Variants in SNX25 observed in about 807,000 individuals in gnomAD.
SNX25 encodes the protein sorting nexin 25.
Under a neutral mutation model 113.7 loss-of-function variants are expected in SNX25, and 62 were observed. That is an observed-to-expected ratio of 0.55 (90% CI 0.44 to 0.67). The LOEUF (loss-of-function observed/expected upper bound fraction) is 0.67. Ranked by LOEUF, SNX25 falls within the 30% of genes least tolerant of loss-of-function variation. The pLI is 0.00. For missense variants in SNX25, 1,014 were observed against 1,161.0 expected (o/e 0.87, Z 1.84); for synonymous variants, 421 against 436.2 (o/e 0.97, Z 0.43).
Position 185,255,070 on chromosome 4 carries a change from T to C in SNX25, c.515-3778T>C, listed in dbSNP as rs143896121. Among the ~76,000 whole-genome samples, 991 of 152,308 alleles carry C rather than the reference T, an allele frequency of 6.5e-3. 15 individuals carry two copies. Among genetic ancestry groups the C allele is most frequent in the African/African-American group, 0.022 (929 of 41,576 alleles). On this transcript the variant is annotated intron_variant, in intron 2 of 18. Transcript: ENST00000652585. ...TGTTTTAAAGTATTTTGTTGATATG[T>C]GTACTTGTGTAAATTAGTTTATATG...
chr4:185,359,005 A>G (rs953438612), intron 16 of SNX25, among the ~76,000 whole-genome samples: 1 of 152,204 alleles, frequency 6.6e-6, no homozygotes, highest in African/African-American at 2.4e-5. Context: ...GCCAATGAAT[A>G]TATTTTCCTT....
intron 1 of SNX25, among the ~76,000 whole-genome samples, chr4:185,238,983 T>C (rs1743082477): frequency 6.6e-6 from 1 of 152,142 alleles, no homozygotes. Context: ...TTGCTTCTGG[T>C]GTGAGTACTC....
intron 6 of SNX25, among the ~76,000 whole-genome samples, chr4:185,300,873 A>ACACACACACACC (rs1356208171): frequency 3.6e-4 from 54 of 151,310 alleles, no homozygotes; most frequent in Non-Finnish European, 6.2e-4. Context: ...ACACACACAC[A>ACACACACACACC]CAGGTTTTCT....
At chr4:185,284,960 T>C (rs1751139933) in intron 5 of SNX25, among the ~76,000 whole-genome samples, 1 of 152,130 alleles carries the variant, frequency 6.6e-6, no homozygotes, top group Non-Finnish European at 1.5e-5. Context: ...ATGATGGTAC[T>C]AGTAGAGAAA....
At chr4:185,357,790 C>T in intron 16 of SNX25, 53 bp downstream of exon 16, 1 of 1,403,232 alleles carries the variant, frequency 7.1e-7, no homozygotes, top group Non-Finnish European at 1.0e-6. Flanking sequence ...TTTGCCTTGA[C>T]AGTCAAATTA....
Position 185,334,239 on chromosome 4 carries a change from G to A in SNX25, c.1914+1480G>A, listed in dbSNP as rs1165432168. The stretch of plus-strand genomic sequence containing the variant: ...GGTAATCCCAGCTACTCAGGAGGGT[G>A]AGGCAGGAGAATCTCTTGAACCCGG... On this transcript the variant is annotated intron_variant, in intron 10 of 18. Transcript: ENST00000652585. This position sits in a 1 kb window ranked among gnomAD's most constrained non-coding sequence, Gnocchi z 4.2. 6.6e-6 allele frequency among the ~76,000 whole-genome samples: 1 copy of A among 152,142 alleles called. No individual in the cohort carries two copies. The highest frequency in any genetic ancestry group is 2.4e-5 in the African/African-American group (1 of 41,432).
chr4:185,296,579 G>A (rs994155809), intron 6 of SNX25, among the ~76,000 whole-genome samples: 3 of 151,914 alleles, frequency 2.0e-5, no homozygotes, highest in Non-Finnish European at 2.9e-5. Flanking sequence ...GCCTCAGCTA[G>A]TTTAATTTTA....
intron 6 of SNX25, among the ~76,000 whole-genome samples, chr4:185,302,020 C>G (rs555944446): frequency 6.6e-6 from 1 of 152,130 alleles, no homozygotes; most frequent in African/African-American, 2.4e-5. Flanking sequence ...CTGCCTCAGC[C>G]TCCTGAGTAG....
intron 9 of SNX25, among the ~76,000 whole-genome samples, chr4:185,329,084 T>A (rs1283537095): frequency 6.6e-6 from 1 of 152,004 alleles, no homozygotes; most frequent in East Asian, 1.9e-4. Context: ...AAGCTTGACA[T>A]AGGGAGGGTT....
Position 185,267,154 on chromosome 4 carries a change from A to G in SNX25, c.1090A>G (p.Arg364Gly). 2 of 1,612,898 alleles carry G rather than the reference A, an allele frequency of 1.2e-6. No individual in the cohort carries two copies. Among genetic ancestry groups the G allele is most frequent in the Non-Finnish European group, 1.7e-6 (2 of 1,179,550 alleles). ...NSDVEFLKQL[R>G]YQIVVEIIQA... is the part of the protein sequence containing the mutation. ...TGATGTGGAGTTCTTGAAGCAACTA[A>G]GGTATTTGGTCTTCAATTATAGCAC... Residue 364 changes from arginine (R) to glycine (G), a missense_variant and splice_region_variant, in exon 5 of 19, where the codon AGG (arginine) becomes GGG (glycine). Transcript: ENST00000652585.
intron 8 of SNX25, among the ~76,000 whole-genome samples, chr4:185,321,222 TATC>T (rs57234755): frequency 0.075 from 11,342 of 151,876 alleles, 613 homozygotes; most frequent in African/African-American, 0.15. Context: ...CCATTTATAA[TATC>T]ATAATGTGCA....
At chr4:185,332,191 G>A (rs1188685016) in intron 9 of SNX25, among the ~76,000 whole-genome samples, 1 of 152,174 alleles carries the variant, frequency 6.6e-6, no homozygotes, top group African/African-American at 2.4e-5. Context: ...TTTTAGAGGG[G>A]CTTGCATGAG....
At chr4:185,348,385 T>C (rs912859163) in intron 13 of SNX25, among the ~76,000 whole-genome samples, 26 of 148,240 alleles carry the variant, frequency 1.8e-4, no homozygotes, top group African/African-American at 6.2e-4. Flanking sequence ...TTGATACATG[T>C]ATATCATTTC....
At chr4:185,330,693 T>C (rs1242933145) in intron 9 of SNX25, among the ~76,000 whole-genome samples, 7 of 152,200 alleles carry the variant, frequency 4.6e-5, no homozygotes, top group Non-Finnish European at 1.0e-4. Flanking sequence ...CAGTTCACTA[T>C]CTCCAGCCCT....
At chr4:185,243,715 G>A (rs1744420175) in intron 1 of SNX25, among the ~76,000 whole-genome samples, 1 of 152,054 alleles carries the variant, frequency 6.6e-6, no homozygotes, top group South Asian at 2.1e-4. Context: ...TAAATGAAAG[G>A]CCTTATTCAG....
chr4:185,342,852 G>C (rs956505118), intron 12 of SNX25, among the ~76,000 whole-genome samples: 4 of 152,086 alleles, frequency 2.6e-5, no homozygotes, highest in Non-Finnish European at 5.9e-5. Flanking sequence ...CTTCATGGCT[G>C]TGTGACCTGG....
intron 5 of SNX25, among the ~76,000 whole-genome samples, chr4:185,282,156 G>C (rs1370801543): frequency 2.6e-5 from 4 of 151,996 alleles, no homozygotes; most frequent in African/African-American, 9.7e-5. Flanking sequence ...ACTAAGGTTT[G>C]GCCAGCCTTT....
chr4:185,206,017 T>C (rs937388561), upstream of SNX25, among the ~76,000 whole-genome samples: 5 of 152,090 alleles, frequency 3.3e-5, no homozygotes, highest in African/African-American at 7.2e-5. Context: ...AAAATAAGGA[T>C]TGGCAAGAAT....
At chr4:185,371,017 T>C, downstream of SNX25, 1 of 517,810 alleles carries the variant, frequency 1.9e-6, no homozygotes, top group Middle Eastern at 5.2e-4. Flanking sequence ...TGACTTCACA[T>C]GTCTCTGTAA....
Sources: gnomAD v4.1 joint callset for allele counts (sites outside exome capture counted in the v4.1 genomes callset) on GRCh38, gnomAD v4.1.1 for gene constraint, Gnocchi (gnomAD v3.1) non-coding constraint, MANE v1.5 for transcripts, NCBI Gene and HGNC (gene_info 2026-07-23, HGNC 2026-07-21) for gene names.